SNAP91: variants seen among roughly 807,000 people sequenced by gnomAD.
The protein encoded by SNAP91 is clathrin coat assembly protein AP180.
SNAP91 carries 27 observed loss-of-function variants against 100.3 expected under a neutral mutation model. The ratio of observed to expected loss-of-function variants is 0.27; its 90% CI spans 0.20 to 0.37. SNAP91 has a LOEUF of 0.37. Among genes scored for constraint, SNAP91 ranks in the 10% least tolerant of loss-of-function variants. The probability of loss-of-function intolerance (pLI) is 1.00; values close to 1 mark genes in which losing one functional copy is unlikely to be tolerated. For missense variants in SNAP91, 986 were observed against 1,123.7 expected, an observed-to-expected ratio of 0.88 and a Z score of 1.75; for synonymous variants, 404 against 398.6, an observed-to-expected ratio of 1.01 and a Z score of -0.16.
At chr6:83,647,685 T>TA (rs2097998410) in intron 7 of SNAP91, among the ~76,000 whole-genome samples, 1 of 152,186 alleles carries the variant, frequency 6.6e-6, no homozygotes, top group Admixed American at 6.5e-5. Context: ...TGAGATGTTA[T>TA]TTATATATAA....
At chr6:83,663,157 C>T (rs1215510749) in intron 3 of SNAP91, among the ~76,000 whole-genome samples, 1 of 152,084 alleles carries the variant, frequency 6.6e-6, no homozygotes, top group East Asian at 1.9e-4. Flanking sequence ...GCTGGTTGTT[C>T]CCCTGACTTT....
At position 83,582,281 on chromosome 6, in the gene SNAP91, A is replaced by G. The variant is rs963406649; in HGVS notation, c.2090T>C (p.Phe697Ser). 3.7e-6 allele frequency: 6 copies of G among 1,613,674 alleles called. No homozygotes were observed. The highest frequency in any genetic ancestry group is 5.1e-6 in the Non-Finnish European group (6 of 1,179,788). Residue 697 changes from phenylalanine (F) to serine (S), a missense_variant, in exon 23 of 30, where the codon TTT becomes TCT. Around this residue, in one of 4 missense-constraint regions of SNAP91, gnomAD observed 575 missense variants for 579.9 expected, o/e 0.99. Coordinates refer to ENST00000369694, the MANE Select transcript of SNAP91 (RefSeq NM_001242792.2). ...AGGCGTTGTCCCAAAAGCTGCCTCAAAATTGGGCTGTAGCAGGTTATTCTG... is the reference window on the plus strand; with the variant it reads ...AGGCGTTGTCCCAAAAGCTGCCTCAGAATTGGGCTGTAGCAGGTTATTCTG... ...PAQNNLLQPN[F>S]EAAFGTTPST...
At chr6:83,616,888 G>T in intron 10 of SNAP91, 81 bp downstream of exon 10, 1 of 970,732 alleles carries the variant, frequency 1.0e-6, no homozygotes, top group Non-Finnish European at 1.5e-6. Context: ...AGCAATATAA[G>T]TTGTACCATG....
intron 25 of SNAP91, chr6:83,575,607 C>T (rs772967868): frequency 1.5e-4 from 31 of 202,758 alleles, no homozygotes; most frequent in Non-Finnish European, 2.0e-4. Flanking sequence ...TCAATTTCAA[C>T]GACAAAATAT....
chr6:83,697,303 C>G (rs1167174901), intron 2 of SNAP91, among the ~76,000 whole-genome samples: 1 of 147,004 alleles, frequency 6.8e-6, no homozygotes, highest in East Asian at 2.0e-4. Flanking sequence ...CCAACTGTAT[C>G]CAACTCTAAA....
At chr6:83,662,495 A>AT (rs34529044) in intron 3 of SNAP91, 73 bp from the exon 4 acceptor site, 2,974 of 441,986 alleles carry the variant, frequency 6.7e-3, no homozygotes, top group South Asian at 8.2e-3. Flanking sequence ...CACTAAAGCG[A>AT]TTTTTTTTTT....
intron 5 of SNAP91, among the ~76,000 whole-genome samples, chr6:83,659,866 T>C (rs1029729479): frequency 5.3e-5 from 8 of 151,608 alleles, no homozygotes; most frequent in Admixed American, 4.6e-4. Context: ...GGAAGAAAAA[T>C]GCATGCTGAT....
At chr6:83,610,297 C>T (rs931521154) in intron 12 of SNAP91, among the ~76,000 whole-genome samples, 1 of 151,800 alleles carries the variant, frequency 6.6e-6, no homozygotes, top group African/African-American at 2.4e-5. Flanking sequence ...GAAATTCAGG[C>T]ACATGGTACA....
chr6:83,595,535 CA>C (rs1424022453), intron 16 of SNAP91, among the ~76,000 whole-genome samples: 1 of 152,012 alleles, frequency 6.6e-6, no homozygotes, highest in Non-Finnish European at 1.5e-5. Context: ...GCTATAGTTT[CA>C]AAAGTACAGA....
intron 27 of SNAP91, 80 bp downstream of exon 27, chr6:83,560,784 G>A: frequency 8.3e-7 from 1 of 1,199,878 alleles, no homozygotes. Flanking sequence ...ATTATATTCT[G>A]TAGGAATACT....
At position 83,656,883 on chromosome 6, in the gene SNAP91, T is replaced by A. The variant is rs748747200; in HGVS notation, c.547-18A>T. The A allele has an allele frequency of 6.4e-6, 8 of 1,248,638 alleles. No individual in the cohort carries two copies. In the African/African-American group the frequency reaches 1.1e-4, roughly 16 times the overall value. 77.3% of individuals were successfully genotyped at this position (1,248,638 alleles called of 1,614,324 possible). ...GGATGCACCTAGAAAAACAGAAAAA[T>A]TTAATATTAGCGGCATATCATTAAG... On this transcript the variant is annotated intron_variant, in intron 6 of 29. Coordinates refer to ENST00000369694, the MANE Select transcript of SNAP91 (RefSeq NM_001242792.2).
rs560518931 is a variant in SNAP91 at position 83,570,557 on chromosome 6, G to A, written c.2442+4453C>T. 1.5e-4 allele frequency among the ~76,000 whole-genome samples: 19 copies of A among 124,724 alleles called. No homozygotes were observed. The South Asian group carries it at 1.9e-3, about 12-fold the overall frequency. 81.8% of individuals were successfully genotyped at this position (124,724 alleles called of 152,430 possible). On this transcript the variant is annotated intron_variant, in intron 26 of 29. Transcript: ENST00000369694. ...CAGACCTGGAGGTTTACGGGGTGGCGGGGGGGGAAGTGGTTTCATGGGCTG... is the reference window on the plus strand; with the variant it reads ...CAGACCTGGAGGTTTACGGGGTGGCAGGGGGGGAAGTGGTTTCATGGGCTG...
chr6:83,582,128 T>G (rs980033335), intron 23 of SNAP91, 94 bp downstream of exon 23: 1 of 1,320,968 alleles, frequency 7.6e-7, no homozygotes, highest in Admixed American at 2.3e-5. Flanking sequence ...AATATTTGCT[T>G]GTTGTAAATT....
At chr6:83,582,466 T>C in intron 22 of SNAP91, 110 bp from the exon 23 acceptor site, 2 of 1,123,442 alleles carry the variant, frequency 1.8e-6, no homozygotes, top group Non-Finnish European at 2.5e-6. Context: ...AATTGCATGT[T>C]GATTAGCAGT....
At chr6:83,568,549 T>G (rs1022867515) in intron 26 of SNAP91, among the ~76,000 whole-genome samples, 1 of 151,866 alleles carries the variant, frequency 6.6e-6, no homozygotes, top group African/African-American at 2.4e-5. Context: ...CAGGAATAAG[T>G]AACCCAGGAA....
chr6:83,683,888 T>C lies in SNAP91; in HGVS notation c.131-18307A>G, dbSNP rs575797317. 3.5e-4 allele frequency among the ~76,000 whole-genome samples: 53 copies of C among 152,316 alleles called. 1 individual carries two copies. In the South Asian group the frequency reaches 0.011, roughly 31 times the overall value. ...ATCATCCTTGTCTTCTTTCTTGTTTTCCACGTTCAGTCAACCACCACACCA... is the reference window on the plus strand; with the variant it reads ...ATCATCCTTGTCTTCTTTCTTGTTTCCCACGTTCAGTCAACCACCACACCA... On this transcript the variant is annotated intron_variant, in intron 2 of 29. Transcript: ENST00000369694.
intron 9 of SNAP91, among the ~76,000 whole-genome samples, chr6:83,619,255 T>C (rs2096618158): frequency 6.6e-6 from 1 of 152,164 alleles, no homozygotes; most frequent in African/African-American, 2.4e-5. Flanking sequence ...ATATTTCTTA[T>C]AAAAACATGT....
intron 26 of SNAP91, among the ~76,000 whole-genome samples, chr6:83,572,554 CT>C (rs907012182): frequency 2.0e-5 from 3 of 151,310 alleles, no homozygotes; most frequent in Admixed American, 6.6e-5. Flanking sequence ...GCCCAGCCAA[CT>C]TTTTTTTTCC....
At chr6:83,610,083 T>C (rs980393682) in intron 12 of SNAP91, among the ~76,000 whole-genome samples, 1 of 152,124 alleles carries the variant, frequency 6.6e-6, no homozygotes, top group Admixed American at 6.5e-5. Flanking sequence ...AATTACCATA[T>C]GACCCAGCAA....
Sources: gnomAD v4.1 joint callset for allele counts (sites outside exome capture counted in the v4.1 genomes callset) on GRCh38, gnomAD v4.1.1 for gene constraint, gnomAD v4.1.1 regional missense constraint, MANE v1.5 for transcripts, NCBI Gene and HGNC (gene_info 2026-07-23, HGNC 2026-07-21) for gene names.